Variants in TCF4 observed in about 807,000 individuals in gnomAD.
TCF4 encodes the protein SL3-3 enhancer factor 2.
In TCF4, 3 loss-of-function variants were observed where a neutral mutation model predicts 82.1. The observed-to-expected ratio is 0.04, with a 90% confidence interval of 0.02 to 0.09. The LOEUF (loss-of-function observed/expected upper bound fraction) is 0.09. TCF4 is among the 10% of genes least tolerant of loss of function. The probability of loss-of-function intolerance (pLI) is 1.00; values close to 1 mark genes in which losing one functional copy is unlikely to be tolerated. For synonymous variants in TCF4, 276 were observed against 309.6 expected, an observed-to-expected ratio of 0.89 and a Z score of 1.14; for missense variants, 518 against 852.7, an observed-to-expected ratio of 0.61 and a Z score of 4.89.
chr18:55,630,387 C>T (rs969856432), intron 2 of TCF4, among the ~76,000 whole-genome samples: 3 of 152,046 alleles, frequency 2.0e-5, no homozygotes, highest in Non-Finnish European at 4.4e-5. Flanking sequence ...TGGCACTGTG[C>T]TAGACACTGG....
At chr18:55,481,814 T>G (rs2096439274) in intron 3 of TCF4, among the ~76,000 whole-genome samples, 1 of 152,216 alleles carries the variant, frequency 6.6e-6, no homozygotes, top group Non-Finnish European at 1.5e-5. Context: ...TCTCAAGAAA[T>G]AGACTTATGC....
chr18:55,571,648 C>CTGTTAAG (rs2097469462), intron 3 of TCF4, among the ~76,000 whole-genome samples: 1 of 151,944 alleles, frequency 6.6e-6, no homozygotes, highest in African/African-American at 2.4e-5. Flanking sequence ...CAGTAGCAGC[C>CTGTTAAG]TGTGTAGAAA....
intron 6 of TCF4, among the ~76,000 whole-genome samples, chr18:55,357,276 G>T (rs974530559): frequency 6.6e-6 from 1 of 152,118 alleles, no homozygotes; most frequent in Non-Finnish European, 1.5e-5. Flanking sequence ...TTAGCAAAAA[G>T]AAAACATTGA....
chr18:55,435,242 A>G (rs1054010772), intron 5 of TCF4, among the ~76,000 whole-genome samples: 1 of 152,238 alleles, frequency 6.6e-6, no homozygotes, highest in East Asian at 1.9e-4. Context: ...GTAACCTTCA[A>G]CTTTACCTGT....
At chr18:55,355,536 T>C (rs2083301231) in intron 6 of TCF4, among the ~76,000 whole-genome samples, 1 of 152,180 alleles carries the variant, frequency 6.6e-6, no homozygotes, top group South Asian at 2.1e-4. Context: ...ACCTAGAATA[T>C]ATCTCGCACC....
intron 8 of TCF4, among the ~76,000 whole-genome samples, chr18:55,333,116 T>A (rs995640370): frequency 6.6e-6 from 1 of 152,218 alleles, no homozygotes; most frequent in African/African-American, 2.4e-5. Context: ...AAATAAGTTA[T>A]CATTCTGGAT....
chr18:55,284,140 C>T (rs1601408820), intron 8 of TCF4: 2 of 152,060 alleles, frequency 1.3e-5, no homozygotes, highest in Non-Finnish European at 2.9e-5. Context: ...CGGCCAGGAA[C>T]GGTGGCTCAT....
rs552332461 is a variant in TCF4, at chr18:55,256,927, A to T, written c.1146+388T>A. ...GAAGGAAAGCTCCTGTAAACCTGTT[A>T]TTCTGGAAAGTAAAGCAGAGGTAGA... On this transcript the variant is annotated intron_variant, in intron 14 of 19. Transcript: ENST00000354452. Among the ~76,000 whole-genome samples the T allele has an allele frequency of 2.6e-5, 4 of 152,300 alleles. No homozygotes were observed. The South Asian group carries it at 8.3e-4, about 32-fold the overall frequency.
chr18:55,383,194 G>C (rs9957570), intron 6 of TCF4, among the ~76,000 whole-genome samples: 4,329 of 152,214 alleles, frequency 0.028, 205 homozygotes, highest in African/African-American at 0.097. Flanking sequence ...TAAAACACTA[G>C]AGTATAAACA....
At chr18:55,631,222 G>A in intron 2 of TCF4, 1 of 616,544 alleles carries the variant, frequency 1.6e-6, no homozygotes, top group Admixed American at 2.6e-5. Flanking sequence ...GCTAATTTCT[G>A]TGTTTTTAGT....
chr18:55,366,300 A>C (rs1351314254), intron 6 of TCF4, among the ~76,000 whole-genome samples: 1 of 152,224 alleles, frequency 6.6e-6, no homozygotes, highest in East Asian at 1.9e-4. Flanking sequence ...CTAATGTGAG[A>C]ATATCTACGT....
intron 5 of TCF4, among the ~76,000 whole-genome samples, chr18:55,428,137 G>A (rs2095059188): frequency 6.6e-6 from 1 of 152,054 alleles, no homozygotes; most frequent in East Asian, 1.9e-4. Context: ...GACCACTAAA[G>A]TGGTTAAAGC....
intron 6 of TCF4, among the ~76,000 whole-genome samples, chr18:55,393,758 A>C (rs2093323851): frequency 6.6e-6 from 1 of 152,232 alleles, no homozygotes; most frequent in South Asian, 2.1e-4. Flanking sequence ...TCAAAGTACG[A>C]GGAAAGCTAG....
chr18:55,439,589 C>T (rs1373475905), intron 5 of TCF4, among the ~76,000 whole-genome samples: 1 of 152,204 alleles, frequency 6.6e-6, no homozygotes, highest in Admixed American at 6.5e-5. Flanking sequence ...CAATCAAGGA[C>T]TCAGTGATCA....
intron 15 of TCF4, among the ~76,000 whole-genome samples, chr18:55,242,726 C>T (rs1480823145): frequency 6.6e-6 from 1 of 151,986 alleles, no homozygotes. Context: ...TCTCCTGCCT[C>T]AGCCTCCCCA....
At chr18:55,453,084 CCTGT>C (rs2095658011) in intron 5 of TCF4, among the ~76,000 whole-genome samples, 1 of 152,186 alleles carries the variant, frequency 6.6e-6, no homozygotes, top group Admixed American at 6.5e-5. Context: ...TTGCTTCTCT[CCTGT>C]CTATTTCCCA....
chr18:55,519,245 C>T (rs770564909), intron 3 of TCF4, among the ~76,000 whole-genome samples: 5 of 151,966 alleles, frequency 3.3e-5, no homozygotes, highest in Non-Finnish European at 5.9e-5. Flanking sequence ...CCAGCCTGGG[C>T]AACATTGTGA....
intron 3 of TCF4, chr18:55,510,721 C>T: frequency 2.1e-6 from 3 of 1,409,230 alleles, no homozygotes; most frequent in South Asian, 1.5e-5. Context: ...TTTTAAGGGG[C>T]CTTCCTTGTT....
intron 3 of TCF4, chr18:55,550,921 A>G (rs1190878624): frequency 2.0e-5 from 3 of 152,006 alleles, no homozygotes; most frequent in East Asian, 1.9e-4. Context: ...CAAAATGCCA[A>G]CACCAAACAC....
Sources: allele counts gnomAD v4.1 joint callset (sites outside exome capture counted in the v4.1 genomes callset), GRCh38; gene constraint gnomAD v4.1.1; transcripts MANE v1.5; gene names NCBI Gene and HGNC (gene_info 2026-07-23, HGNC 2026-07-21).